Variants in DPP6 observed in about 807,000 individuals in gnomAD.
DPP6 encodes the protein dipeptidyl peptidase like 6.
Under a neutral mutation model 122.6 loss-of-function variants are expected in DPP6, and 69 were observed. The ratio of observed to expected loss-of-function variants is 0.56; its 90% confidence interval spans 0.46 to 0.69. The LOEUF (loss-of-function observed/expected upper bound fraction) is 0.69, where lower values mean the gene tolerates loss of function less well. Among genes scored for constraint, DPP6 ranks in the 30% least tolerant of loss-of-function variants. The pLI is 0.00. For missense variants in DPP6, 928 were observed against 1,116.9 expected (o/e 0.83, Z 2.41); for synonymous variants, 418 against 433.1 (o/e 0.97, Z 0.43).
chr7:154,409,914 C>T (rs953220903), intron 1 of DPP6, among the ~76,000 whole-genome samples: 4 of 152,154 alleles, frequency 2.6e-5, no homozygotes, highest in South Asian at 2.1e-4. Context: ...CTCCAAGGTC[C>T]TGATTTTGAA....
intron 3 of DPP6, among the ~76,000 whole-genome samples, chr7:154,501,392 C>T (rs1825231557): frequency 6.6e-6 from 1 of 152,192 alleles, no homozygotes; most frequent in African/African-American, 2.4e-5. Context: ...AGCAGCCCCT[C>T]TCATCACAGA....
At chr7:153,807,250 T>G in the DPP6 span, among the ~76,000 whole-genome samples, 13 of 151,614 alleles carry the variant, frequency 8.6e-5, 1 homozygote, top group African/African-American at 3.2e-4. Context: ...CCGTCTCTAC[T>G]AAAAATACAA....
intron 7 of DPP6, among the ~76,000 whole-genome samples, chr7:154,715,957 C>G (rs377264723): frequency 6.6e-6 from 1 of 152,116 alleles, no homozygotes; most frequent in Admixed American, 6.5e-5. Context: ...CTTAGTAACC[C>G]GTACATTCTG....
the DPP6 span, among the ~76,000 whole-genome samples, chr7:153,838,040 G>A: frequency 6.6e-6 from 1 of 151,836 alleles, no homozygotes; most frequent in Admixed American, 6.6e-5. Flanking sequence ...TTTGGGAAGA[G>A]AGCTACTTCA....
rs560461541 is a variant in DPP6 at position 154,601,706 on chromosome 7, A to C, written c.627+34790A>C. 3.5e-4 allele frequency among the ~76,000 whole-genome samples: 42 copies of C among 120,816 alleles called. 6 individuals carry two copies. Among genetic ancestry groups the C allele is most frequent in the African/African-American group, 1.1e-3 (42 of 38,022 alleles). 79.3% of individuals were successfully genotyped at this position (120,816 alleles called of 152,430 possible). On this transcript the variant is annotated intron_variant, in intron 5 of 25. Transcript: ENST00000377770. Reference sequence around the variant, plus strand: ...CTTTTAAAAAGAATATTTAGAGAACAGATTAGCAAATTATGGCCCCTGAGC... The same window carrying C: ...CTTTTAAAAAGAATATTTAGAGAACCGATTAGCAAATTATGGCCCCTGAGC...
chr7:154,346,530 C>T (rs933446495), intron 1 of DPP6, among the ~76,000 whole-genome samples: 3 of 152,170 alleles, frequency 2.0e-5, no homozygotes, highest in African/African-American at 7.2e-5. Context: ...TGCTCTTGAA[C>T]TCCTGATCTC....
chr7:153,808,320 T>C, the DPP6 span, among the ~76,000 whole-genome samples: 1 of 151,252 alleles, frequency 6.6e-6, no homozygotes, highest in African/African-American at 2.4e-5. Flanking sequence ...TGTGCCTGTG[T>C]GTGTCTGTGT....
chr7:154,091,794 T>A (rs925726255), intron 1 of DPP6, among the ~76,000 whole-genome samples: 3 of 151,838 alleles, frequency 2.0e-5, no homozygotes, highest in Non-Finnish European at 4.4e-5. Context: ...AGAGACCGGG[T>A]CAGTAACGCA....
the DPP6 span, among the ~76,000 whole-genome samples, chr7:153,858,322 A>G: frequency 6.6e-6 from 1 of 152,164 alleles, no homozygotes; most frequent in Admixed American, 6.6e-5. Context: ...TCAATCACCC[A>G]GGGGATTGGT....
At chr7:154,636,582 G>T (rs73165047) in intron 5 of DPP6, among the ~76,000 whole-genome samples, 8,684 of 152,238 alleles carry the variant, frequency 0.057, 290 homozygotes, top group East Asian at 0.13. Context: ...GCCCCGGGCC[G>T]CATATTTCTG....
intron 1 of DPP6, among the ~76,000 whole-genome samples, chr7:154,072,332 A>G (rs1345554268): frequency 1.3e-5 from 2 of 152,172 alleles, no homozygotes; most frequent in Admixed American, 6.5e-5. Context: ...ATCATGATAA[A>G]CATCCTATCC....
chr7:154,583,271 T>C (rs1832203618), intron 5 of DPP6, among the ~76,000 whole-genome samples: 1 of 152,230 alleles, frequency 6.6e-6, no homozygotes, highest in Non-Finnish European at 1.5e-5. Context: ...GCAGGTCGGT[T>C]TCTGGTGACG....
chr7:154,864,058 C>G (rs1803649418), intron 17 of DPP6, among the ~76,000 whole-genome samples: 1 of 152,068 alleles, frequency 6.6e-6, no homozygotes, highest in African/African-American at 2.4e-5. Flanking sequence ...GAGGCCTGGA[C>G]TAGAAAGGCA....
chr7:154,600,783 C>T (rs1451812223), intron 5 of DPP6, among the ~76,000 whole-genome samples: 1 of 121,330 alleles, frequency 8.2e-6, no homozygotes, highest in Non-Finnish European at 1.9e-5. Flanking sequence ...CAGAAAAGTA[C>T]AGATGGCATT....
intron 1 of DPP6, among the ~76,000 whole-genome samples, chr7:154,087,579 C>T (rs1462152842): frequency 1.3e-5 from 2 of 152,206 alleles, no homozygotes; most frequent in Non-Finnish European, 2.9e-5. Context: ...GCCTTTTTAA[C>T]AGTGAGTGAT....
intron 8 of DPP6, among the ~76,000 whole-genome samples, chr7:154,735,545 T>A (rs1262116462): frequency 2.0e-5 from 3 of 152,222 alleles, no homozygotes; most frequent in Non-Finnish European, 4.4e-5. Flanking sequence ...TTTGGGTATT[T>A]CATGTAACTA....
intron 12 of DPP6, 134 bp from the exon 13 acceptor site, chr7:154,801,221 A>C: frequency 7.9e-7 from 1 of 1,267,834 alleles, no homozygotes; most frequent in Non-Finnish European, 1.1e-6. Flanking sequence ...CTCATCAAGC[A>C]CTTATTATTT....
At chr7:154,498,874 T>A (rs1048662100) in intron 3 of DPP6, among the ~76,000 whole-genome samples, 1 of 152,198 alleles carries the variant, frequency 6.6e-6, no homozygotes, top group Non-Finnish European at 1.5e-5. Flanking sequence ...AAATGTCCCC[T>A]GAGAGGGCAA....
Position 154,673,236 on chromosome 7 carries a change from G to C in DPP6, c.762+3795G>C, listed in dbSNP as rs192829447. On this transcript the variant is annotated intron_variant, in intron 7 of 25. Transcript: ENST00000377770. ...TAATTATAATGAGTCAGATTGAAGTGAGTAATTCTCCTTTGGGAGCAGAGA... is the reference window on the plus strand; with the variant it reads ...TAATTATAATGAGTCAGATTGAAGTCAGTAATTCTCCTTTGGGAGCAGAGA... 1.5e-4 allele frequency among the ~76,000 whole-genome samples: 23 copies of C among 152,352 alleles called. No homozygotes were observed. In the East Asian group the frequency reaches 4.4e-3, roughly 29 times the overall value.
Sources: allele counts gnomAD v4.1 joint callset (sites outside exome capture counted in the v4.1 genomes callset), GRCh38; gene constraint gnomAD v4.1.1; transcripts MANE v1.5; gene names NCBI Gene and HGNC (gene_info 2026-07-23, HGNC 2026-07-21).